Variants in CBLB observed in about 807,000 individuals in gnomAD.
The protein encoded by CBLB is E3 ubiquitin-protein ligase CBL-B.
CBLB carries 31 observed loss-of-function variants against 104.9 expected under a neutral mutation model. That is an observed-to-expected ratio of 0.30 (90% CI 0.22 to 0.40). CBLB has a LOEUF of 0.40. Among genes scored for constraint, CBLB ranks in the 10% least tolerant of loss-of-function variants. CBLB has a pLI of 1.00. For missense variants in CBLB, 1,062 were observed against 1,214.6 expected, an observed-to-expected ratio of 0.87 and a Z score of 1.87; for synonymous variants, 440 against 422.6, an observed-to-expected ratio of 1.04 and a Z score of -0.51.
intron 4 of CBLB, among the ~76,000 whole-genome samples, chr3:105,764,370 C>T (rs1353223869): frequency 6.6e-6 from 1 of 152,150 alleles, no homozygotes; most frequent in African/African-American, 2.4e-5. Context: ...CAGGTCTAGC[C>T]AATTGCTGTC....
At chr3:105,703,765 C>T (rs937090740) in intron 11 of CBLB, among the ~76,000 whole-genome samples, 3 of 152,136 alleles carry the variant, frequency 2.0e-5, no homozygotes, top group African/African-American at 7.2e-5. Flanking sequence ...TCTGGCAAAT[C>T]ATGGGGCTAC....
intron 4 of CBLB, among the ~76,000 whole-genome samples, chr3:105,775,451 A>G (rs2079347108): frequency 1.3e-5 from 2 of 152,226 alleles, no homozygotes; most frequent in Non-Finnish European, 2.9e-5. Flanking sequence ...TATACTAACA[A>G]TTTTTATGTC....
At chr3:105,819,488 CAAA>C (rs1464453983) in intron 3 of CBLB, among the ~76,000 whole-genome samples, 1 of 121,212 alleles carries the variant, frequency 8.3e-6, no homozygotes. Context: ...CTCCACCTCT[CAAA>C]AAAAAAAAAA....
chr3:105,724,813 C>T (rs1034881775), intron 9 of CBLB, among the ~76,000 whole-genome samples: 1 of 152,076 alleles, frequency 6.6e-6, no homozygotes, highest in African/African-American at 2.4e-5. Context: ...TGTAAGCACT[C>T]TCTAAATATT....
intron 13 of CBLB, among the ~76,000 whole-genome samples, chr3:105,689,870 AC>A (rs1292495196): frequency 6.6e-6 from 1 of 152,096 alleles, no homozygotes; most frequent in Non-Finnish European, 1.5e-5. Context: ...TTAGAAAAAA[AC>A]ATTAATTTAG....
intron 3 of CBLB, among the ~76,000 whole-genome samples, chr3:105,805,400 G>A (rs1244767982): frequency 6.6e-6 from 1 of 151,592 alleles, no homozygotes; most frequent in Non-Finnish European, 1.5e-5. Flanking sequence ...TGCCTTCCAG[G>A]TTCAAGCGAT....
At chr3:105,850,247 A>G (rs1405827300) in intron 3 of CBLB, among the ~76,000 whole-genome samples, 1 of 152,068 alleles carries the variant, frequency 6.6e-6, no homozygotes, top group Admixed American at 6.6e-5. Flanking sequence ...TACACCTGGA[A>G]GAGGGTTTTT....
intron 3 of CBLB, among the ~76,000 whole-genome samples, chr3:105,782,244 T>A (rs369840214): frequency 4.6e-5 from 7 of 152,162 alleles, no homozygotes; most frequent in Admixed American, 4.6e-4. Flanking sequence ...CAACAGACAT[T>A]AAAAGTTCAA....
chr3:105,690,713 T>C (rs1241884424), intron 13 of CBLB, among the ~76,000 whole-genome samples: 1 of 151,776 alleles, frequency 6.6e-6, no homozygotes, highest in African/African-American at 2.4e-5. Context: ...TCCCAGCTAC[T>C]TGAAAGGCTG....
intron 3 of CBLB, among the ~76,000 whole-genome samples, chr3:105,818,240 C>T (rs755995038): frequency 2.0e-5 from 3 of 152,044 alleles, no homozygotes; most frequent in Non-Finnish European, 2.9e-5. Context: ...GAATCCTAGA[C>T]TTAAAAGCAT....
chr3:105,684,818 T>C (rs906030376), intron 14 of CBLB, among the ~76,000 whole-genome samples: 9 of 152,326 alleles, frequency 5.9e-5, no homozygotes, highest in Non-Finnish European at 1.2e-4. Flanking sequence ...CCCAAAGTGC[T>C]AGGATTACAG....
intron 3 of CBLB, among the ~76,000 whole-genome samples, chr3:105,792,616 T>C (rs1397552512): frequency 6.6e-6 from 1 of 152,160 alleles, no homozygotes; most frequent in Admixed American, 6.5e-5. Context: ...ATTTCTATCC[T>C]GGGAGAAAAA....
intron 3 of CBLB, among the ~76,000 whole-genome samples, chr3:105,823,039 GAAGTT>G (rs1268031973): frequency 6.6e-6 from 1 of 152,130 alleles, no homozygotes; most frequent in East Asian, 1.9e-4. Context: ...TTCATCCCTA[GAAGTT>G]AAGTGTGTTG....
chr3:105,736,258 T>C (rs950345583), intron 8 of CBLB, among the ~76,000 whole-genome samples: 1 of 152,306 alleles, frequency 6.6e-6, no homozygotes. Flanking sequence ...CAATCCCTTT[T>C]CACCTCCTCA....
intron 12 of CBLB, among the ~76,000 whole-genome samples, chr3:105,698,026 TGA>T (rs1423302533): frequency 1.3e-5 from 2 of 152,076 alleles, no homozygotes; most frequent in Non-Finnish European, 2.9e-5. Context: ...GACTAAAATC[TGA>T]GACTTTCAGA....
At position 105,807,279 on chromosome 3, in the gene CBLB, G is replaced by A. The variant is rs556633217; in HGVS notation, c.420-30737C>T. Among the ~76,000 whole-genome samples, 147 of 152,148 alleles carry A rather than the reference G, an allele frequency of 9.7e-4. 1 individual carries two copies. Among genetic ancestry groups the A allele is most frequent in the African/African-American group, 3.4e-3 (142 of 41,500 alleles). On this transcript the variant is annotated intron_variant, in intron 3 of 18. Coordinates refer to ENST00000394030, the MANE Select transcript of CBLB (RefSeq NM_170662.5). The stretch of plus-strand genomic sequence containing the variant: ...TTCCTCAAAAAACTGTGATATGGCC[G>A]GACACAGTGACTCACACCTGTAATC...
At chr3:105,862,599 G>A (rs904230482) in intron 2 of CBLB, among the ~76,000 whole-genome samples, 5 of 151,998 alleles carry the variant, frequency 3.3e-5, no homozygotes, top group African/African-American at 9.7e-5. Flanking sequence ...CTTGCTTTCA[G>A]TTTTTTTCTC....
chr3:105,786,067 G>A (rs1327751175), intron 3 of CBLB, among the ~76,000 whole-genome samples: 1 of 102,780 alleles, frequency 9.7e-6, no homozygotes, highest in Non-Finnish European at 2.0e-5. Flanking sequence ...GGATCGGGGG[G>A]GGGAAAGTGG....
intron 2 of CBLB, 62 bp from the exon 3 acceptor site, chr3:105,853,726 G>A (rs2091246990): frequency 2.5e-6 from 3 of 1,176,480 alleles, no homozygotes; most frequent in South Asian, 1.4e-5. Context: ...AAATTAAAAA[G>A]TTAGAGAACC....
Sources: gnomAD v4.1 joint callset for allele counts (sites outside exome capture counted in the v4.1 genomes callset) on GRCh38, gnomAD v4.1.1 for gene constraint, MANE v1.5 for transcripts, NCBI Gene and HGNC (gene_info 2026-07-23, HGNC 2026-07-21) for gene names.